ZNF862: variants seen among roughly 807,000 people sequenced by gnomAD.
The protein encoded by ZNF862 is zinc finger protein 862.
ZNF862 carries 64 observed loss-of-function variants against 91.1 expected under a neutral mutation model. That is an observed-to-expected ratio of 0.70 (90% CI 0.57 to 0.87). The LOEUF (loss-of-function observed/expected upper bound fraction) is 0.87. Ranked by LOEUF, ZNF862 falls within the 40% of genes least tolerant of loss-of-function variation. The pLI, the probability that ZNF862 is intolerant of heterozygous loss-of-function variation, is 0.00. For synonymous variants in ZNF862, 631 were observed against 618.1 expected, an observed-to-expected ratio of 1.02 and a Z score of -0.31; for missense variants, 1,459 against 1,528.0, an observed-to-expected ratio of 0.95 and a Z score of 0.75.
In ZNF862 at chr7:149,850,434, C is replaced by A; in HGVS notation, c.1117+96C>A. 1 of 1,313,582 alleles carries A rather than the reference C, an allele frequency of 7.6e-7. No homozygotes were observed. Among genetic ancestry groups the A allele is most frequent in the Non-Finnish European group, 1.0e-6 (1 of 963,490 alleles). 81.4% of individuals were successfully genotyped at this position (1,313,582 alleles called of 1,614,324 possible). A position where few individuals can be genotyped will look rare whatever the true frequency, so the allele number is the denominator to read the frequency against. On this transcript the variant is annotated intron_variant, in intron 5 of 7. Coordinates refer to ENST00000223210, the MANE Select transcript of ZNF862 (RefSeq NM_001099220.3). The surrounding 1 kb of genome is among the most constrained non-coding windows in gnomAD (Gnocchi z 4.2). ...TTGTGGTTATCTTCCCATTCCTGCC[C>A]CCTCCCTGTGTGTAGGCAGAGACCG...
chr7:149,863,313 G>T (rs991079434), intron 7 of ZNF862, among the ~76,000 whole-genome samples: 28 of 143,062 alleles, frequency 2.0e-4, no homozygotes, highest in Middle Eastern at 3.5e-3. Flanking sequence ...TCTCTAGCTG[G>T]CCTCCTTCCG....
chr7:149,850,071 G>A lies in ZNF862; in HGVS notation c.940-90G>A. 1 of 1,396,540 alleles carries A rather than the reference G, an allele frequency of 7.2e-7. No homozygotes were observed. Among genetic ancestry groups the A allele is most frequent in the Non-Finnish European group, 9.9e-7 (1 of 1,011,320 alleles). 86.5% of individuals were successfully genotyped at this position (1,396,540 alleles called of 1,614,324 possible). A position where few individuals can be genotyped will look rare whatever the true frequency, so the allele number is the denominator to read the frequency against. Reference sequence around the variant, plus strand: ...TCTGGGCCTCTTGGTGAGCTTCCCAGGAGAAATAGGGCTTCCAAAGGCCCC... The same window carrying A: ...TCTGGGCCTCTTGGTGAGCTTCCCAAGAGAAATAGGGCTTCCAAAGGCCCC... On this transcript the variant is annotated intron_variant, in intron 4 of 7. Transcript: ENST00000223210. The surrounding 1 kb of genome is among the most constrained non-coding windows in gnomAD (Gnocchi z 4.2).
chr7:149,862,314 G>C lies in ZNF862; in HGVS notation c.3154G>C (p.Asp1052His). The change falls in exon 7 of 8, where the codon GAT (aspartate) becomes CAT (histidine). Residue 1052 changes from aspartate (D) to histidine (H), a missense_variant. Coordinates refer to ENST00000223210, the MANE Select transcript of ZNF862 (RefSeq NM_001099220.3). ...CAAGGCCATGAACCGAATCAGGACC[G>C]ATGAGAGGACCAAGCTCTCCAACGA... ...GFKAMNRIRT[D>H]ERTKLSNEVL... The C allele has an allele frequency of 3.1e-6, 5 of 1,613,380 alleles. No homozygotes were observed. The highest frequency in any genetic ancestry group is 3.4e-6 in the Non-Finnish European group (4 of 1,179,684).
Position 149,846,167 on chromosome 7 carries a change from T to C in ZNF862, c.153T>C (p.Asn51=), listed in dbSNP as rs1290905117. Residue 51 remains asparagine, a synonymous_variant, in exon 3 of 8, where the codon AAT becomes AAC. Transcript: ENST00000223210. ...LVAPLGPTVA[N]PELFRKFGRG... is the part of the protein sequence containing the mutation. ...TGGACTCAGGACCAACTGTTGCCAA[T>C]CCTGAGCTGTTCCGCAAGTTCGGAC... 2 of 1,612,686 alleles carry C rather than the reference T, an allele frequency of 1.2e-6. No homozygotes were observed. Among genetic ancestry groups the C allele is most frequent in the Non-Finnish European group, 1.7e-6 (2 of 1,179,400 alleles).
At position 149,861,906 on chromosome 7, in the gene ZNF862, C is replaced by T. The variant is rs753667364; in HGVS notation, c.2746C>T (p.Arg916Trp). 6.8e-6 allele frequency: 11 copies of T among 1,613,588 alleles called. No homozygotes were observed. Among genetic ancestry groups the T allele is most frequent in the Admixed American group, 5.0e-5 (3 of 59,992 alleles). ...CLDKLEVAEQ[R>W]FQADRERTVL... is the part of the protein sequence containing the mutation. ...GGACAAACTGGAGGTAGCGGAACAG[C>T]GGTTCCAGGCGGATAGGGAGAGGAC... is the stretch of plus-strand genomic sequence containing the variant. Residue 916 changes from arginine to tryptophan, a missense_variant, in exon 7 of 8, where the codon CGG becomes TGG. Arg to Trp is a moderately radical substitution (Grantham distance 101). Coordinates refer to ENST00000223210, the MANE Select transcript of ZNF862 (RefSeq NM_001099220.3). The surrounding 1 kb of genome is among the most constrained non-coding windows in gnomAD (Gnocchi z 6.7).
In ZNF862 at chr7:149,838,505, G is replaced by T. The variant is rs182969009; in HGVS notation, c.-107G>T. On this transcript the variant is annotated 5_prime_UTR_variant, in exon 1 of 8. Coordinates refer to ENST00000223210, the MANE Select transcript of ZNF862 (RefSeq NM_001099220.3). The stretch of plus-strand genomic sequence containing the variant: ...TGGGCCGCGCTCCCTCCCTACCTGG[G>T]TGCCCTCCCCCTCCGGGAGCCTGGG... 1,913 of 742,344 alleles carry T rather than the reference G, an allele frequency of 2.6e-3. 10 individuals are homozygous for T. The highest frequency in any genetic ancestry group is 2.5e-3 in the Non-Finnish European group (1,336 of 540,536). The allele number at this position is 742,344 out of a possible 1,614,324, so 46.0% of individuals were successfully genotyped here. A position where few individuals can be genotyped will look rare whatever the true frequency, so the allele number is the denominator to read the frequency against.
At chr7:149,859,808 C>T (rs1011614798) in intron 6 of ZNF862, 65 of 377,326 alleles carry the variant, frequency 1.7e-4, no homozygotes, top group African/African-American at 3.0e-4. Flanking sequence ...ACACTGGTCT[C>T]GAGGAGCCAG....
At position 149,848,305 on chromosome 7, in the gene ZNF862, A is replaced by G. The variant is rs1801949700; in HGVS notation, c.812A>G (p.Asp271Gly). 6.2e-7 allele frequency: 1 copy of G among 1,608,002 alleles called. No homozygotes were observed. The highest frequency in any genetic ancestry group is 2.2e-5 in the East Asian group (1 of 44,756). ...SRAELEDPGG[D>G]GAIPAMYLDC... is the part of the protein sequence containing the mutation. ...GCTGAACTAGAGGACCCTGGGGGGG[A>G]TGGAGCAATTCCTGCAATGTATCTA... Residue 271 changes from aspartate (D) to glycine (G), a missense_variant, in exon 4 of 8, where the codon GAT becomes GGT. Physicochemically the swap from Asp to Gly is moderately conservative, Grantham distance 94 (BLOSUM62 -1). Coordinates refer to ENST00000223210, the MANE Select transcript of ZNF862 (RefSeq NM_001099220.3).
intron 5 of ZNF862, among the ~76,000 whole-genome samples, chr7:149,858,114 C>T (rs1802322861): frequency 6.6e-6 from 1 of 152,152 alleles, no homozygotes; most frequent in Non-Finnish European, 1.5e-5. Flanking sequence ...CCCACCCATT[C>T]CCCATCCACC....
At position 149,848,253 on chromosome 7, in the gene ZNF862, A is replaced by G. The variant is rs1801947322; in HGVS notation, c.760A>G (p.Met254Val). ...PPGPLGGFDS[M>V]AELLPSSRAE... is the part of the protein sequence containing the mutation. ...AGGGCCTCTGGGAGGATTTGATAGC[A>G]TGGCTGAGCTCCTGCCAAGTTCAAG... is the stretch of plus-strand genomic sequence containing the variant. The change falls in exon 4 of 8, where the codon ATG becomes GTG. Residue 254 changes from methionine to valine, a missense_variant. Physicochemically the swap from Met to Val is conservative, Grantham distance 21. Coordinates refer to ENST00000223210, the MANE Select transcript of ZNF862 (RefSeq NM_001099220.3). 2 of 1,613,140 alleles carry G rather than the reference A, an allele frequency of 1.2e-6. No homozygotes were observed. Among genetic ancestry groups the G allele is most frequent in the Non-Finnish European group, 1.7e-6 (2 of 1,179,514 alleles).
In ZNF862 at chr7:149,861,011, C is replaced by T. The variant is rs201486727; in HGVS notation, c.1851C>T (p.Asp617=). The T allele has an allele frequency of 1.9e-5, 31 of 1,613,082 alleles. No individual in the cohort carries two copies. The highest frequency in any genetic ancestry group is 8.0e-5 in the African/African-American group (6 of 74,936). Residue 617 remains aspartate (D), a synonymous_variant, in exon 7 of 8, where the codon GAC becomes GAT. Transcript: ENST00000223210. This position sits in a 1 kb window ranked among gnomAD's most constrained non-coding sequence, Gnocchi z 6.7. Reference sequence around the variant, plus strand: ...CCCTGAAGAGGGAGATCCTGGAGGACGTGCGGAACTCGCCCTGTGTGAGCG... The same window carrying T: ...CCCTGAAGAGGGAGATCCTGGAGGATGTGCGGAACTCGCCCTGTGTGAGCG... ...SETLKREILE[D]VRNSPCVSVL...
chr7:149,846,198 C>T lies in ZNF862; in HGVS notation c.184C>T (p.Pro62Ser), dbSNP rs1801865969. ...PELFRKFGRG[P>S]EPWLGSVQGQ... is the part of the protein sequence containing the mutation. ...GCTGTTCCGCAAGTTCGGACGAGGG[C>T]CAGAGCCATGGCTTGGCAGCGTCCA... The change falls in exon 3 of 8, where the codon CCA becomes TCA. Residue 62 changes from proline to serine, a missense_variant. Transcript: ENST00000223210. 1.9e-6 allele frequency: 3 copies of T among 1,613,700 alleles called. No homozygotes were observed. Among genetic ancestry groups the T allele is most frequent in the African/African-American group, 1.3e-5 (1 of 74,968 alleles).
chr7:149,861,411 C>T lies in ZNF862; in HGVS notation c.2251C>T (p.Arg751Cys), dbSNP rs753334273. The stretch of plus-strand genomic sequence containing the variant: ...GGTGAAGAAGTGTGACCGGCACATC[C>T]GCACCGTCTTCAAGTTTTATCAGTC... ...DLVKKCDRHI[R>C]TVFKFYQSSN... The change falls in exon 7 of 8, where the codon CGC becomes TGC. Residue 751 changes from arginine (R) to cysteine (C), a missense_variant. Arg to Cys is a radical substitution (Grantham distance 180, BLOSUM62 -3). Transcript: ENST00000223210. The surrounding 1 kb of genome is among the most constrained non-coding windows in gnomAD (Gnocchi z 6.7). 7.4e-6 allele frequency: 12 copies of T among 1,613,106 alleles called. No homozygotes were observed. Among genetic ancestry groups the T allele is most frequent in the East Asian group, 6.7e-5 (3 of 44,888 alleles).
chr7:149,852,721 A>G (rs547925492), intron 5 of ZNF862: 5 of 152,306 alleles, frequency 3.3e-5, no homozygotes, highest in Admixed American at 6.5e-5. Context: ...AGAAATCTCA[A>G]TTACATCCCA....
At position 149,860,851 on chromosome 7, in the gene ZNF862, C is replaced by G. The variant is rs867798028; in HGVS notation, c.1691C>G (p.Ser564Cys). 6 of 1,613,544 alleles carry G rather than the reference C, an allele frequency of 3.7e-6. No homozygotes were observed. Among genetic ancestry groups the G allele is most frequent in the Non-Finnish European group, 5.1e-6 (6 of 1,179,900 alleles). ...NMEHFFNAAY[S>C]IAYHSRPLND... ...GAGCACTTTTTCAATGCCGCCTACTCCATTGCATACCACTCAAGGCCCCTG... is the reference window on the plus strand; with the variant it reads ...GAGCACTTTTTCAATGCCGCCTACTGCATTGCATACCACTCAAGGCCCCTG... Residue 564 changes from serine to cysteine, a missense_variant, in exon 7 of 8, where the codon TCC becomes TGC. By Grantham distance (112) the Ser-to-Cys change is moderately radical. Transcript: ENST00000223210.
intron 1 of ZNF862, among the ~76,000 whole-genome samples, chr7:149,842,529 A>G (rs952902777): frequency 6.6e-6 from 1 of 152,198 alleles, no homozygotes; most frequent in Non-Finnish European, 1.5e-5. Flanking sequence ...AATATTGCTT[A>G]AGAGAGATAC....
chr7:149,850,457 C>G lies in ZNF862; in HGVS notation c.1117+119C>G. On this transcript the variant is annotated intron_variant, in intron 5 of 7. Coordinates refer to ENST00000223210, the MANE Select transcript of ZNF862 (RefSeq NM_001099220.3). The surrounding 1 kb of genome is among the most constrained non-coding windows in gnomAD (Gnocchi z 4.2). ...CCCCCTCCCTGTGTGTAGGCAGAGA[C>G]CGATCCTGTCTTTTGCACCTCATAA... 9.3e-7 allele frequency: 1 copy of G among 1,080,890 alleles called. No homozygotes were observed. Among genetic ancestry groups the G allele is most frequent in the African/African-American group, 1.6e-5 (1 of 63,118 alleles). The allele number at this position is 1,080,890 out of a possible 1,614,324, so 67.0% of individuals were successfully genotyped here.
At position 149,864,677 on chromosome 7, in the gene ZNF862, G is replaced by C. The variant is rs1802653333; in HGVS notation, c.*393G>C. 1 of 165,432 alleles carries C rather than the reference G, an allele frequency of 6.0e-6. No homozygotes were observed. The highest frequency in any genetic ancestry group is 1.3e-5 in the Non-Finnish European group (1 of 76,582). The allele number at this position is 165,432 out of a possible 1,614,324, so 10.2% of individuals were successfully genotyped here. ...GGCTGCCCACAGTCTAAGTGGGAATGGGAAAGACCACCTTGTTAGAGGGGG... is the reference window on the plus strand; with the variant it reads ...GGCTGCCCACAGTCTAAGTGGGAATCGGAAAGACCACCTTGTTAGAGGGGG... On this transcript the variant is annotated 3_prime_UTR_variant, in exon 8 of 8. Coordinates refer to ENST00000223210, the MANE Select transcript of ZNF862 (RefSeq NM_001099220.3).
At chr7:149,860,011 A>T in intron 6 of ZNF862, 1 of 292,654 alleles carries the variant, frequency 3.4e-6, no homozygotes, top group Non-Finnish European at 6.4e-6. Context: ...TGTTTAACCT[A>T]TTCTATTGTG....
Sources: gnomAD v4.1 joint callset for allele counts (sites outside exome capture counted in the v4.1 genomes callset) on GRCh38, gnomAD v4.1.1 for gene constraint, Gnocchi (gnomAD v3.1) non-coding constraint, MANE v1.5 for transcripts, NCBI Gene and HGNC (gene_info 2026-07-23, HGNC 2026-07-21) for gene names.